Variants in RIMKLB observed in about 807,000 individuals in gnomAD.
RIMKLB encodes the protein beta-citrylglutamate synthase B.
Under a neutral mutation model 32.0 loss-of-function variants are expected in RIMKLB, and 7 were observed. That is an observed-to-expected ratio of 0.22 (90% CI 0.12 to 0.41). RIMKLB has a LOEUF of 0.41. Among genes scored for constraint, RIMKLB ranks in the 10% least tolerant of loss-of-function variants. RIMKLB has a pLI of 1.00. For synonymous variants in RIMKLB, 172 were observed against 185.1 expected (o/e 0.93, Z 0.57); for missense variants, 289 against 498.7 (o/e 0.58, Z 4.00).
chr12:8,669,888 G>T, the RIMKLB span, among the ~76,000 whole-genome samples: 1 of 151,714 alleles, frequency 6.6e-6, no homozygotes, highest in Non-Finnish European at 1.5e-5. Context: ...TTAGCCGGGC[G>T]TGGTGGCGGG....
chr12:8,702,047 G>A (rs766788116), intron 1 of RIMKLB, among the ~76,000 whole-genome samples: 16 of 151,400 alleles, frequency 1.1e-4, no homozygotes, highest in African/African-American at 2.2e-4. Context: ...ACACCCATTT[G>A]CCTGGTATTT....
At chr12:8,747,126 G>A (rs916646986) in intron 2 of RIMKLB, among the ~76,000 whole-genome samples, 9 of 152,086 alleles carry the variant, frequency 5.9e-5, no homozygotes, top group Admixed American at 6.6e-5. Context: ...CCTACTATAC[G>A]TACAGGGGAA....
intron 2 of RIMKLB, among the ~76,000 whole-genome samples, chr12:8,735,548 T>C (rs1391512247): frequency 2.0e-5 from 3 of 151,874 alleles, no homozygotes; most frequent in African/African-American, 7.3e-5. Context: ...TTTTTTTTAA[T>C]GTAAATACCA....
At chr12:8,739,018 G>A (rs1258776999) in intron 2 of RIMKLB, among the ~76,000 whole-genome samples, 1 of 152,128 alleles carries the variant, frequency 6.6e-6, no homozygotes, top group African/African-American at 2.4e-5. Context: ...TAGTATTGCT[G>A]GTGAGCTAGA....
At position 8,773,552 on chromosome 12, in the gene RIMKLB, G is replaced by C. The variant is rs776230676; in HGVS notation, c.929G>C (p.Gly310Ala). Reference sequence around the variant, plus strand: ...TATGCCGCCTCCCTTCTACCCTCTGGCCGGCTCACCCGGCGTATGTCCCTG... The same window carrying C: ...TATGCCGCCTCCCTTCTACCCTCTGCCCGGCTCACCCGGCGTATGTCCCTG... ...ADYAASLLPS[G>A]RLTRRMSLLS... The change falls in exon 6 of 6, where the codon GGC becomes GCC. Residue 310 changes from glycine to alanine, a missense_variant. Transcript: ENST00000535829. The C allele has an allele frequency of 6.2e-7, 1 of 1,614,086 alleles. No homozygotes were observed. Among genetic ancestry groups the C allele is most frequent in the Non-Finnish European group, 8.5e-7 (1 of 1,180,048 alleles).
intron 1 of RIMKLB, among the ~76,000 whole-genome samples, chr12:8,686,636 C>T (rs867984486): frequency 8.6e-5 from 13 of 151,104 alleles, no homozygotes; most frequent in African/African-American, 2.0e-4. Flanking sequence ...CCCGCCACCA[C>T]GCCCGGCTAA....
At chr12:8,699,032 A>T (rs1214618627) in intron 1 of RIMKLB, among the ~76,000 whole-genome samples, 1 of 151,938 alleles carries the variant, frequency 6.6e-6, no homozygotes, top group African/African-American at 2.4e-5. Context: ...CTCTGATCAC[A>T]CATTTGTTAT....
At chr12:8,730,277 AGACAGGTCTTGCT>A (rs1257245670) in intron 2 of RIMKLB, among the ~76,000 whole-genome samples, 1 of 152,164 alleles carries the variant, frequency 6.6e-6, no homozygotes, top group Non-Finnish European at 1.5e-5. Context: ...TTTTCAGTAG[AGACAGGTCTTGCT>A]GTCTTGCCCA....
At chr12:8,714,808 CTT>C (rs1317582689) in intron 2 of RIMKLB, among the ~76,000 whole-genome samples, 1 of 152,060 alleles carries the variant, frequency 6.6e-6, no homozygotes, top group African/African-American at 2.4e-5. Context: ...TATAAATGGA[CTT>C]TTTGACTGGC....
At chr12:8,678,570 C>T (rs1451022926), upstream of RIMKLB, among the ~76,000 whole-genome samples, 7 of 151,900 alleles carry the variant, frequency 4.6e-5, no homozygotes, top group Non-Finnish European at 7.4e-5. Context: ...TCAGGTGATC[C>T]GCCTGTCTCG....
intron 1 of RIMKLB, among the ~76,000 whole-genome samples, chr12:8,690,283 A>AT (rs1042669237): frequency 6.6e-6 from 1 of 152,178 alleles, no homozygotes; most frequent in Admixed American, 6.5e-5. Flanking sequence ...GTTAGTAACA[A>AT]TTTTTTGTTG....
chr12:8,727,900 C>CAA (rs112200431), intron 2 of RIMKLB, among the ~76,000 whole-genome samples: 5,463 of 135,334 alleles, frequency 0.04, 137 homozygotes, highest in African/African-American at 0.072. Context: ...GACATTGTCT[C>CAA]AAAAAAAAAA....
Position 8,774,572 on chromosome 12 carries a change from CTTT to C in RIMKLB, c.*802_*804del, listed in dbSNP as rs56912350. ...TGAAAGATGTGCTCTGTTAATGTTG[CTTT>C]TTTTTTTTTTTTTAATACATGCTAG... On this transcript the variant is annotated 3_prime_UTR_variant, in exon 6 of 6. Transcript: ENST00000535829. 426 of 882,438 alleles carry C rather than the reference CTTT, an allele frequency of 4.8e-4. No homozygotes were observed. The highest frequency in any genetic ancestry group is 1.2e-3 in the South Asian group (23 of 18,476). The allele number at this position is 882,438 out of a possible 1,614,324, so 54.7% of individuals were successfully genotyped here. A position where few individuals can be genotyped will look rare whatever the true frequency, so the allele number is the denominator to read the frequency against.
chr12:8,697,830 T>TCCGGCCG (rs1460208252), upstream of RIMKLB: 3 of 146,650 alleles, frequency 2.0e-5, no homozygotes, highest in Non-Finnish European at 4.5e-5. Flanking sequence ...CCCCAGCTCC[T>TCCGGCCG]CCGGCCGCCG....
intron 2 of RIMKLB, among the ~76,000 whole-genome samples, chr12:8,734,018 T>C (rs1452845047): frequency 6.6e-6 from 1 of 152,176 alleles, no homozygotes; most frequent in Non-Finnish European, 1.5e-5. Flanking sequence ...CATCAAGTGC[T>C]TGTAGGTCTA....
chr12:8,770,649 C>G (rs1036130129), intron 5 of RIMKLB, among the ~76,000 whole-genome samples: 1 of 152,156 alleles, frequency 6.6e-6, no homozygotes, highest in South Asian at 2.1e-4. Flanking sequence ...AAAAAATACA[C>G]TCAAAGTGCT....
At chr12:8,728,055 T>A (rs1398906347) in intron 2 of RIMKLB, among the ~76,000 whole-genome samples, 2 of 152,218 alleles carry the variant, frequency 1.3e-5, no homozygotes, top group Non-Finnish European at 1.5e-5. Context: ...TTGAACTTGT[T>A]GTATGCATTT....
intron 2 of RIMKLB, among the ~76,000 whole-genome samples, chr12:8,745,340 T>C (rs1318936023): frequency 2.6e-5 from 4 of 151,818 alleles, no homozygotes; most frequent in Non-Finnish European, 4.4e-5. Context: ...CCTTTTTTAC[T>C]TTCATATTTT....
intron 2 of RIMKLB, among the ~76,000 whole-genome samples, chr12:8,746,950 A>T (rs1470821186): frequency 6.6e-6 from 1 of 152,076 alleles, no homozygotes; most frequent in African/African-American, 2.4e-5. Context: ...CATGTTGCCT[A>T]GGCTAGTTTC....
Sources: allele counts gnomAD v4.1 joint callset (sites outside exome capture counted in the v4.1 genomes callset), GRCh38; gene constraint gnomAD v4.1.1; transcripts MANE v1.5; gene names NCBI Gene and HGNC (gene_info 2026-07-23, HGNC 2026-07-21).